The following AKAP6 variants were observed in gnomAD, a reference collection of about 807,000 sequenced individuals.
The protein encoded by AKAP6 is A-kinase anchoring protein 6, also known as A-kinase anchor protein 6.
A neutral mutation model predicts 188.5 loss-of-function variants in AKAP6; 58 were observed. The observed-to-expected ratio is 0.31, with a 90% CI of 0.25 to 0.38. The LOEUF (loss-of-function observed/expected upper bound fraction) is 0.38. Ranked by LOEUF, AKAP6 falls within the 10% of genes least tolerant of loss-of-function variation. The pLI is 1.00. For synonymous variants in AKAP6, 989 were observed against 998.6 expected, an observed-to-expected ratio of 0.99 and a Z score of 0.18; for missense variants, 2,710 against 2,740.0, an observed-to-expected ratio of 0.99 and a Z score of 0.24.
intron 1 of AKAP6, among the ~76,000 whole-genome samples, chr14:32,404,691 G>GATTATATATATATATATATATAT (rs376446917): frequency 2.3e-5 from 1 of 44,438 alleles, no homozygotes; most frequent in Non-Finnish European, 4.6e-5. Context: ...GGAGTCAGGA[G>GATTATATATATATATATATATAT]ATATATATAT....
chr14:32,395,111 A>G (rs768253854), intron 1 of AKAP6, among the ~76,000 whole-genome samples: 2 of 152,006 alleles, frequency 1.3e-5, no homozygotes, highest in African/African-American at 2.4e-5. Flanking sequence ...TGCTCATCCC[A>G]TGTATACAAT....
At chr14:32,827,991 G>T (rs552021493) in intron 13 of AKAP6, among the ~76,000 whole-genome samples, 4 of 152,066 alleles carry the variant, frequency 2.6e-5, no homozygotes, top group African/African-American at 9.7e-5. Context: ...TGGTGTTTTG[G>T]GGGGTGGGTT....
chr14:32,467,919 T>A (rs1183333947), intron 2 of AKAP6, among the ~76,000 whole-genome samples: 2 of 152,126 alleles, frequency 1.3e-5, no homozygotes, highest in African/African-American at 2.4e-5. Context: ...TTTTTTCACC[T>A]TTCATCCCCT....
intron 1 of AKAP6, among the ~76,000 whole-genome samples, chr14:32,363,787 A>G (rs1348393744): frequency 6.6e-6 from 1 of 152,238 alleles, no homozygotes; most frequent in Non-Finnish European, 1.5e-5. Flanking sequence ...TCACAGACAC[A>G]CCAAGGAAAA....
intron 4 of AKAP6, among the ~76,000 whole-genome samples, chr14:32,549,059 A>T (rs566623408): frequency 6.6e-6 from 1 of 152,356 alleles, no homozygotes; most frequent in African/African-American, 2.4e-5. Context: ...GTTATCAAAT[A>T]TACAGCAGTA....
intron 7 of AKAP6, among the ~76,000 whole-genome samples, chr14:32,672,424 T>A (rs1382164087): frequency 3.9e-5 from 6 of 152,152 alleles, no homozygotes; most frequent in Admixed American, 3.9e-4. Context: ...GATTGAGGTG[T>A]CTGCAGGTTT....
At chr14:32,769,514 T>A (rs1213378238) in intron 11 of AKAP6, among the ~76,000 whole-genome samples, 1 of 151,788 alleles carries the variant, frequency 6.6e-6, no homozygotes, top group Non-Finnish European at 1.5e-5. Context: ...GTTGATCAGT[T>A]TAGAAGGCGA....
At chr14:32,604,681 A>G (rs967889935) in intron 7 of AKAP6, among the ~76,000 whole-genome samples, 7 of 152,174 alleles carry the variant, frequency 4.6e-5, no homozygotes, top group Non-Finnish European at 8.8e-5. Context: ...TTTCTCATTT[A>G]TAAAATAGAG....
At chr14:32,525,048 G>A (rs1478630581) in intron 2 of AKAP6, among the ~76,000 whole-genome samples, 1 of 152,128 alleles carries the variant, frequency 6.6e-6, no homozygotes, top group Non-Finnish European at 1.5e-5. Context: ...TCTTGGGGAA[G>A]GTATAGATAT....
chr14:32,393,834 A>G lies in AKAP6; in HGVS notation c.-34-39626A>G, dbSNP rs534556164. ...TTCTAAAGAGATACATACATTTGTA[A>G]ACACTTCAGGTTTGTCATGTATTTG... On this transcript the variant is annotated intron_variant, in intron 1 of 13. Coordinates refer to ENST00000280979, the MANE Select transcript of AKAP6 (RefSeq NM_004274.5). 1.3e-4 allele frequency among the ~76,000 whole-genome samples: 20 copies of G among 152,272 alleles called. No individual in the cohort carries two copies. In the South Asian group the frequency reaches 2.1e-3, roughly 16 times the overall value.
At chr14:32,765,159 T>G (rs917536642) in intron 11 of AKAP6, among the ~76,000 whole-genome samples, 1 of 152,062 alleles carries the variant, frequency 6.6e-6, no homozygotes, top group Admixed American at 6.5e-5. Flanking sequence ...GGTCTTGAAC[T>G]CCTGACCTCG....
At chr14:32,463,367 A>G (rs1406821323) in intron 2 of AKAP6, among the ~76,000 whole-genome samples, 1 of 152,154 alleles carries the variant, frequency 6.6e-6, no homozygotes, top group Non-Finnish European at 1.5e-5. Flanking sequence ...ACTCCTCACC[A>G]AATGCAAAAT....
chr14:32,380,536 T>C (rs893089772), intron 1 of AKAP6, among the ~76,000 whole-genome samples: 6 of 152,230 alleles, frequency 3.9e-5, no homozygotes, highest in Admixed American at 3.3e-4. Flanking sequence ...GGGCTTGAAG[T>C]TGTGTTTTAT....
chr14:32,501,605 C>T (rs1566541868), intron 2 of AKAP6, among the ~76,000 whole-genome samples: 1 of 152,064 alleles, frequency 6.6e-6, no homozygotes, highest in Non-Finnish European at 1.5e-5. Context: ...TTGGCGAGTA[C>T]AGAGTAGAGT....
At chr14:32,445,240 T>C (rs139977974) in intron 2 of AKAP6, among the ~76,000 whole-genome samples, 3 of 152,216 alleles carry the variant, frequency 2.0e-5, no homozygotes, top group African/African-American at 4.8e-5. Flanking sequence ...GTCTGGGAAA[T>C]TACCTTATTC....
intron 8 of AKAP6, among the ~76,000 whole-genome samples, chr14:32,688,685 AC>A (rs1236405368): frequency 6.6e-6 from 1 of 152,142 alleles, no homozygotes; most frequent in African/African-American, 2.4e-5. Flanking sequence ...GTGATACTAC[AC>A]CCGTGCAAGA....
At chr14:32,520,618 A>T (rs1594703745) in intron 2 of AKAP6, among the ~76,000 whole-genome samples, 1 of 152,200 alleles carries the variant, frequency 6.6e-6, no homozygotes, top group African/African-American at 2.4e-5. Flanking sequence ...AAATTCCTGG[A>T]CACATACACC....
chr14:32,533,296 C>G (rs1316792098), intron 2 of AKAP6, among the ~76,000 whole-genome samples: 1 of 152,128 alleles, frequency 6.6e-6, no homozygotes, highest in Non-Finnish European at 1.5e-5. Flanking sequence ...GTTTATCAGA[C>G]TAGGCACCTA....
chr14:32,810,055 A>G (rs2034185341), intron 12 of AKAP6, among the ~76,000 whole-genome samples: 1 of 152,218 alleles, frequency 6.6e-6, no homozygotes, highest in East Asian at 1.9e-4. Context: ...GCCTGGAGAA[A>G]TAAATTCAGC....
Sources: gnomAD v4.1 joint callset for allele counts (sites outside exome capture counted in the v4.1 genomes callset) on GRCh38, gnomAD v4.1.1 for gene constraint, MANE v1.5 for transcripts, NCBI Gene and HGNC (gene_info 2026-07-23, HGNC 2026-07-21) for gene names.